AFG2A: variants seen among roughly 807,000 people sequenced by gnomAD.
The protein encoded by AFG2A is AAA ATPase AFG2A.
chr4:123,308,379 A>G, the AFG2A span, among the ~76,000 whole-genome samples: 2 of 152,164 alleles, frequency 1.3e-5, no homozygotes, highest in African/African-American at 4.8e-5. Flanking sequence ...CCCCCAGGCC[A>G]TGCACCGGTA....
chr4:123,112,336 T>C, the AFG2A span, among the ~76,000 whole-genome samples: 4 of 152,186 alleles, frequency 2.6e-5, no homozygotes, highest in Admixed American at 2.6e-4. Context: ...TTGTTAATTT[T>C]TGTTTGTTTT....
At chr4:123,105,848 G>A in the AFG2A span, among the ~76,000 whole-genome samples, 2 of 152,334 alleles carry the variant, frequency 1.3e-5, no homozygotes, top group South Asian at 4.1e-4. Context: ...TCTTGAGATG[G>A]AATCTACTGG....
chr4:123,202,142 A>T, the AFG2A span, among the ~76,000 whole-genome samples: 3,306 of 152,274 alleles, frequency 0.022, 113 homozygotes, highest in African/African-American at 0.075. Flanking sequence ...TTAGTGGTTT[A>T]TGCTGGGGTT....
the AFG2A span, among the ~76,000 whole-genome samples, chr4:122,983,401 GTTCA>G: frequency 6.6e-6 from 1 of 151,834 alleles, no homozygotes; most frequent in African/African-American, 2.4e-5. Context: ...AAATTAGGTT[GTTCA>G]TTTGAGATAT....
At chr4:123,209,432 C>T in the AFG2A span, among the ~76,000 whole-genome samples, 6 of 151,966 alleles carry the variant, frequency 3.9e-5, no homozygotes, top group Non-Finnish European at 7.4e-5. Context: ...TTTTTTTCAA[C>T]TCATATCCTC....
chr4:123,193,887 CA>C, the AFG2A span, among the ~76,000 whole-genome samples: 1 of 152,084 alleles, frequency 6.6e-6, no homozygotes, highest in Non-Finnish European at 1.5e-5. Context: ...AAACAGACCA[CA>C]CACAGCCTTA....
the AFG2A span, among the ~76,000 whole-genome samples, chr4:123,222,296 T>C: frequency 6.6e-6 from 1 of 152,230 alleles, no homozygotes; most frequent in Admixed American, 6.5e-5. Context: ...ATTTTAAGTA[T>C]CAAAATTCTC....
At chr4:123,083,031 C>T in the AFG2A span, among the ~76,000 whole-genome samples, 166 of 152,158 alleles carry the variant, frequency 1.1e-3, no homozygotes, top group African/African-American at 3.8e-3. Context: ...GCTATAATTG[C>T]TTATTAGATT....
the AFG2A span, among the ~76,000 whole-genome samples, chr4:123,099,718 T>C: frequency 1.3e-5 from 2 of 151,818 alleles, no homozygotes; most frequent in Non-Finnish European, 2.9e-5. Context: ...TTAAAATACA[T>C]TTTCTTCCAC....
At chr4:122,950,536 C>T in the AFG2A span, among the ~76,000 whole-genome samples, 1 of 152,114 alleles carries the variant, frequency 6.6e-6, no homozygotes, top group Non-Finnish European at 1.5e-5. Context: ...AGACAGGTTT[C>T]ACTATGTTGG....
At chr4:123,017,414 A>ATTTTTTTTTTTTTTTTTTTTTTT in the AFG2A span, among the ~76,000 whole-genome samples, 4 of 74,716 alleles carry the variant, frequency 5.4e-5, no homozygotes, top group African/African-American at 1.4e-4. Context: ...AGCATGGGAA[A>ATTTTTTTTTTTTTTTTTTTTTTT]TTTTTTTTTT....
At chr4:123,110,420 C>T in the AFG2A span, among the ~76,000 whole-genome samples, 21 of 152,042 alleles carry the variant, frequency 1.4e-4, no homozygotes, top group Non-Finnish European at 2.5e-4. Context: ...TTCTCGTAAG[C>T]AGCAAGGATT....
At chr4:123,238,000 A>G in the AFG2A span, among the ~76,000 whole-genome samples, 134,069 of 152,242 alleles carry the variant, frequency 0.88, 59,459 homozygotes, top group African/African-American at 0.91. Flanking sequence ...CATGGTCTTA[A>G]CAACTGGCAG....
the AFG2A span, among the ~76,000 whole-genome samples, chr4:122,973,586 G>T: frequency 6.6e-6 from 1 of 151,072 alleles, no homozygotes; most frequent in Non-Finnish European, 1.5e-5. Context: ...TTGTCTCCTT[G>T]GCTTATTAGG....
chr4:123,102,583 G>A, the AFG2A span, among the ~76,000 whole-genome samples: 2 of 151,974 alleles, frequency 1.3e-5, no homozygotes, highest in African/African-American at 2.4e-5. Context: ...GATTAAAGTT[G>A]AATCACTTAT....
the AFG2A span, among the ~76,000 whole-genome samples, chr4:123,046,105 A>AAAG: frequency 1.3e-5 from 2 of 152,012 alleles, no homozygotes; most frequent in African/African-American, 4.8e-5. Flanking sequence ...TCAAAAAAAA[A>AAAG]AAAGAAAGAA....
At chr4:122,994,604 T>A in the AFG2A span, among the ~76,000 whole-genome samples, 1 of 152,198 alleles carries the variant, frequency 6.6e-6, no homozygotes, top group African/African-American at 2.4e-5. Flanking sequence ...TTATACTTTT[T>A]GATCTTGCCT....
chr4:122,927,560 A>AT, the AFG2A span: 24 of 1,461,430 alleles, frequency 1.6e-5, no homozygotes. Context: ...GAGTATTTTT[A>AT]TTTACTGCAA....
the AFG2A span, among the ~76,000 whole-genome samples, chr4:122,971,210 G>A: frequency 0.014 from 2,079 of 152,206 alleles, 49 homozygotes; most frequent in African/African-American, 0.047. Flanking sequence ...AGCTTGAGAC[G>A]AGCCTGGGCA....
Sources: gnomAD v4.1 joint callset for allele counts (sites outside exome capture counted in the v4.1 genomes callset) on GRCh38, gnomAD v4.1.1 for gene constraint, MANE v1.5 for transcripts, NCBI Gene and HGNC (gene_info 2026-07-23, HGNC 2026-07-21) for gene names.